Variants in PRELID2 observed in about 807,000 individuals in gnomAD.
PRELID2 encodes the protein PRELI domain-containing protein 2.
A neutral mutation model predicts 28.4 loss-of-function variants in PRELID2; 25 were observed. The ratio of observed to expected loss-of-function variants is 0.88; its 90% CI spans 0.64 to 1.23. The LOEUF is 1.23. Among genes scored for constraint, PRELID2 ranks in the 50% most tolerant of loss-of-function variants. PRELID2 has a pLI of 0.00. For missense variants in PRELID2, 201 were observed against 214.4 expected (o/e 0.94, Z 0.39); for synonymous variants, 76 against 71.6 (o/e 1.06, Z -0.31).
At chr5:145,528,301 C>T (rs1752625633) in intron 1 of PRELID2, among the ~76,000 whole-genome samples, 2 of 152,088 alleles carry the variant, frequency 1.3e-5, no homozygotes, top group South Asian at 2.1e-4. Context: ...TTTTGCTCTT[C>T]GTAGTATCCT....
At chr5:145,484,266 A>G (rs1399922020) in intron 1 of PRELID2, among the ~76,000 whole-genome samples, 1 of 152,194 alleles carries the variant, frequency 6.6e-6, no homozygotes, top group Non-Finnish European at 1.5e-5. Flanking sequence ...CATTACAGGC[A>G]CAGGGACACC....
At chr5:145,646,901 G>A (rs1754206188) in intron 1 of PRELID2, among the ~76,000 whole-genome samples, 1 of 152,130 alleles carries the variant, frequency 6.6e-6, no homozygotes, top group Non-Finnish European at 1.5e-5. Context: ...GCTTTGTCCG[G>A]AATGGCACCT....
chr5:145,332,186 G>T, the PRELID2 span, among the ~76,000 whole-genome samples: 9 of 152,212 alleles, frequency 5.9e-5, no homozygotes, highest in East Asian at 1.7e-3. Context: ...TTTCTCTCTG[G>T]CTTGCCTTAG....
the PRELID2 span, among the ~76,000 whole-genome samples, chr5:145,276,502 C>T: frequency 3.3e-5 from 5 of 152,196 alleles, no homozygotes; most frequent in Non-Finnish European, 5.9e-5. Flanking sequence ...AAATCACTAG[C>T]GCCAACAAAA....
At chr5:145,603,146 A>C (rs183779004) in intron 1 of PRELID2, among the ~76,000 whole-genome samples, 61 of 143,058 alleles carry the variant, frequency 4.3e-4, no homozygotes, top group East Asian at 4.1e-3. Context: ...TGGAGTCCTG[A>C]AAGAAAAGAA....
At chr5:145,602,148 T>C (rs116479301) in intron 1 of PRELID2, among the ~76,000 whole-genome samples, 2,489 of 152,294 alleles carry the variant, frequency 0.016, 79 homozygotes, top group African/African-American at 0.057. Flanking sequence ...GTCAGAAGGC[T>C]GGTATATAAA....
chr5:145,722,252 A>T (rs1756010324), intron 1 of PRELID2, among the ~76,000 whole-genome samples: 1 of 152,332 alleles, frequency 6.6e-6, no homozygotes, highest in East Asian at 1.9e-4. Flanking sequence ...TTATAATACA[A>T]TAAAATAAGG....
At chr5:145,802,800 T>C (rs1753222902) in intron 4 of PRELID2, among the ~76,000 whole-genome samples, 1 of 152,118 alleles carries the variant, frequency 6.6e-6, no homozygotes, top group African/African-American at 2.4e-5. Context: ...TTTGTGAAAA[T>C]GAAGGGCAGC....
At position 145,644,864 on chromosome 5, in the gene PRELID2, G is replaced by A. The variant is rs187405686; in HGVS notation, n.70+120067C>T. On this transcript the variant is annotated intron_variant and non_coding_transcript_variant, in intron 1 of 2. Coordinates refer to the PRELID2 transcript ENST00000510259. ...TAATCCTGAGTTCTAATTTGATTGCGCTGTGGTCTGAGAGACTGTTTGTTA... is the reference window on the plus strand; with the variant it reads ...TAATCCTGAGTTCTAATTTGATTGCACTGTGGTCTGAGAGACTGTTTGTTA... 2.1e-3 allele frequency among the ~76,000 whole-genome samples: 312 copies of A among 152,132 alleles called. 1 individual carries two copies. The highest frequency in any genetic ancestry group is 6.6e-3 in the African/African-American group (274 of 41,530).
the PRELID2 span, among the ~76,000 whole-genome samples, chr5:145,369,300 T>C: frequency 6.6e-6 from 1 of 151,992 alleles, no homozygotes; most frequent in South Asian, 2.1e-4. Flanking sequence ...CAGGCCCTGG[T>C]GTGTGTTGTT....
intron 1 of PRELID2, among the ~76,000 whole-genome samples, chr5:145,477,687 T>C (rs905241580): frequency 6.6e-6 from 1 of 152,298 alleles, no homozygotes; most frequent in Admixed American, 6.5e-5. Context: ...AATTCTACTA[T>C]AAATACTGTC....
At chr5:145,247,202 T>A in the PRELID2 span, among the ~76,000 whole-genome samples, 1 of 152,166 alleles carries the variant, frequency 6.6e-6, no homozygotes, top group Non-Finnish European at 1.5e-5. Context: ...TGACCCCGTT[T>A]GATTCCATCT....
intron 1 of PRELID2, among the ~76,000 whole-genome samples, chr5:145,569,674 GAGAA>G (rs1458776037): frequency 6.6e-6 from 1 of 152,200 alleles, no homozygotes; most frequent in African/African-American, 2.4e-5. Flanking sequence ...CAGGTTAAGG[GAGAA>G]AGAAAGTATT....
rs141881622 is a variant in PRELID2 at position 145,732,394 on chromosome 5, T to G, written n.70+32537A>C. 3.3e-5 allele frequency among the ~76,000 whole-genome samples: 5 copies of G among 152,322 alleles called. No individual in the cohort carries two copies. In the East Asian group the frequency reaches 9.6e-4, roughly 29 times the overall value. On this transcript the variant is annotated intron_variant and non_coding_transcript_variant, in intron 1 of 2. Coordinates refer to the PRELID2 transcript ENST00000510259. The stretch of plus-strand genomic sequence containing the variant: ...AGTGCTAGAGGTGGAAGAGTTCATA[T>G]AGATCACTAGCACAGTGTTGTCCAA...
intron 1 of PRELID2, among the ~76,000 whole-genome samples, chr5:145,713,650 T>G (rs1755764546): frequency 1.0e-5 from 1 of 96,570 alleles, no homozygotes; most frequent in African/African-American, 4.9e-5. Context: ...ATATACTATA[T>G]ATAAAGTATA....
chr5:145,639,692 G>A lies in PRELID2; in HGVS notation n.70+125239C>T, dbSNP rs144986020. Among the ~76,000 whole-genome samples, 348 of 152,242 alleles carry A rather than the reference G, an allele frequency of 2.3e-3. 3 individuals carry two copies. The East Asian group carries it at 0.025, about 11-fold the overall frequency. The stretch of plus-strand genomic sequence containing the variant: ...TTCAAATCCAATGTTGGGAAAGTGC[G>A]TTGGGTTGGGCCTAAGGGATATTTT... On this transcript the variant is annotated intron_variant and non_coding_transcript_variant, in intron 1 of 2. Coordinates refer to the PRELID2 transcript ENST00000510259.
the PRELID2 span, chr5:145,229,111 A>T: frequency 7.1e-7 from 1 of 1,399,134 alleles, no homozygotes; most frequent in Non-Finnish European, 1.0e-6. Flanking sequence ...TGCATCGCCC[A>T]CAAAAAAGTG....
At chr5:145,335,699 A>G in the PRELID2 span, among the ~76,000 whole-genome samples, 1 of 152,254 alleles carries the variant, frequency 6.6e-6, no homozygotes, top group Non-Finnish European at 1.5e-5. Context: ...TAGCAAAAGC[A>G]GTTCTAAGAG....
chr5:145,300,604 G>T, the PRELID2 span, among the ~76,000 whole-genome samples: 1 of 150,754 alleles, frequency 6.6e-6, no homozygotes, highest in Non-Finnish European at 1.5e-5. Context: ...CTATACATTT[G>T]TTTTATCCCA....
Sources: allele counts gnomAD v4.1 joint callset (sites outside exome capture counted in the v4.1 genomes callset), GRCh38; gene constraint gnomAD v4.1.1; transcripts MANE v1.5; gene names NCBI Gene and HGNC (gene_info 2026-07-23, HGNC 2026-07-21).